PDZRN3: variants seen among roughly 807,000 people sequenced by gnomAD.
The protein encoded by PDZRN3 is E3 ubiquitin-protein ligase PDZRN3.
PDZRN3 carries 38 observed loss-of-function variants against 85.7 expected under a neutral mutation model. The observed-to-expected ratio is 0.44, with a 90% CI of 0.34 to 0.58. PDZRN3 has a LOEUF of 0.58. Among genes scored for constraint, PDZRN3 ranks in the 20% least tolerant of loss-of-function variants. The pLI is 0.01. For synonymous variants in PDZRN3, 759 were observed against 638.0 expected, an observed-to-expected ratio of 1.19 and a Z score of -2.86; for missense variants, 1,629 against 1,506.4, an observed-to-expected ratio of 1.08 and a Z score of -1.35.
chr3:73,530,955 T>TTA (rs1704639217), intron 3 of PDZRN3, among the ~76,000 whole-genome samples: 1 of 152,026 alleles, frequency 6.6e-6, no homozygotes, highest in African/African-American at 2.4e-5. Flanking sequence ...TATCTTTACT[T>TTA]TATCAAGAGT....
At position 73,624,097 on chromosome 3, in the gene PDZRN3, G is replaced by A. The variant is rs777317084; in HGVS notation, c.723+6C>T. 4 of 1,445,294 alleles carry A rather than the reference G, an allele frequency of 2.8e-6. No individual in the cohort carries two copies. Among genetic ancestry groups the A allele is most frequent in the Admixed American group, 5.5e-5 (2 of 36,466 alleles). The allele number at this position is 1,445,294 out of a possible 1,614,324, so 89.5% of individuals were successfully genotyped here. A position where few individuals can be genotyped will look rare whatever the true frequency, so the allele number is the denominator to read the frequency against. ...CTGGAGGTCGGGGCGGGCAGCAGGCGCCTACCTTGCCGCCGGGCGGCGCGG... is the reference window on the plus strand; with the variant it reads ...CTGGAGGTCGGGGCGGGCAGCAGGCACCTACCTTGCCGCCGGGCGGCGCGG... On this transcript the variant is annotated splice_donor_region_variant and intron_variant, in intron 1 of 9. Coordinates refer to ENST00000263666, the MANE Select transcript of PDZRN3 (RefSeq NM_015009.3).
chr3:73,405,447 T>C (rs986741978), intron 3 of PDZRN3, among the ~76,000 whole-genome samples: 1 of 152,232 alleles, frequency 6.6e-6, no homozygotes, highest in African/African-American at 2.4e-5. Context: ...CATCTTATGA[T>C]TGGACTGCAT....
At chr3:73,399,180 G>A (rs560665846) in intron 5 of PDZRN3, among the ~76,000 whole-genome samples, 2 of 152,232 alleles carry the variant, frequency 1.3e-5, no homozygotes, top group South Asian at 4.1e-4. Context: ...AAATACCAAA[G>A]ACTACAAAGT....
At chr3:73,601,687 T>C (rs919848267) in intron 3 of PDZRN3, among the ~76,000 whole-genome samples, 1 of 152,172 alleles carries the variant, frequency 6.6e-6, no homozygotes, top group African/African-American at 2.4e-5. Flanking sequence ...CCTAGAACAC[T>C]GCAACCCTGT....
chr3:73,391,158 A>T (rs777243647), intron 5 of PDZRN3, 42 bp from the exon 6 acceptor site: 13 of 1,210,658 alleles, frequency 1.1e-5, no homozygotes, highest in Non-Finnish European at 1.5e-5. Flanking sequence ...CCAGCAGGCA[A>T]TGCGAGTTGA....
chr3:73,553,170 T>C (rs763620342), intron 3 of PDZRN3, among the ~76,000 whole-genome samples: 3 of 152,170 alleles, frequency 2.0e-5, no homozygotes, highest in Admixed American at 6.5e-5. Context: ...CCTGTAAAAA[T>C]GCACCAATAT....
intron 3 of PDZRN3, among the ~76,000 whole-genome samples, chr3:73,549,979 C>A (rs1472510618): frequency 1.3e-5 from 2 of 152,210 alleles, no homozygotes; most frequent in African/African-American, 2.4e-5. Flanking sequence ...GCCCTGGCTG[C>A]CTGTTAGTGC....
chr3:73,542,918 C>T (rs974364134), intron 3 of PDZRN3, among the ~76,000 whole-genome samples: 15 of 152,150 alleles, frequency 9.9e-5, no homozygotes, highest in African/African-American at 3.4e-4. Flanking sequence ...CTCAAGCATC[C>T]ACACCCCTTC....
At chr3:73,557,395 C>T (rs1701722158) in intron 3 of PDZRN3, among the ~76,000 whole-genome samples, 1 of 152,202 alleles carries the variant, frequency 6.6e-6, no homozygotes, top group South Asian at 2.1e-4. Flanking sequence ...AACCTGATCA[C>T]TAGTTTTAAG....
intron 3 of PDZRN3, among the ~76,000 whole-genome samples, chr3:73,407,876 A>G (rs566196526): frequency 2.0e-4 from 31 of 152,182 alleles, no homozygotes; most frequent in South Asian, 4.1e-4. Context: ...AGCTTTGGGT[A>G]CTGTTACACG....
At chr3:73,443,286 A>C (rs1233754792) in intron 3 of PDZRN3, among the ~76,000 whole-genome samples, 1 of 152,004 alleles carries the variant, frequency 6.6e-6, no homozygotes, top group African/African-American at 2.4e-5. Context: ...CAGCTGCTCT[A>C]AGTTCGCAGA....
chr3:73,436,408 C>G (rs1230449450), intron 3 of PDZRN3, among the ~76,000 whole-genome samples: 1 of 152,126 alleles, frequency 6.6e-6, no homozygotes, highest in Non-Finnish European at 1.5e-5. Flanking sequence ...TTGGCAAGTA[C>G]CAGCAGGGAG....
Position 73,583,180 on chromosome 3 carries a change from G to A in PDZRN3, c.918+19174C>T, listed in dbSNP as rs149472874. On this transcript the variant is annotated intron_variant, in intron 3 of 9. Transcript: ENST00000263666. ...CCTACCTTATGAGATAGAAACTGTC[G>A]TGCTCATTTTTCAGGCAAGAACATG... Among the ~76,000 whole-genome samples, 607 of 152,192 alleles carry A rather than the reference G, an allele frequency of 4.0e-3. 5 individuals carry two copies. Among genetic ancestry groups the A allele is most frequent in the East Asian group, 0.016 (85 of 5,176 alleles).
Position 73,384,477 on chromosome 3 carries a change from G to A in PDZRN3, c.2089C>T (p.Leu697=), listed in dbSNP as rs1559646624. Residue 697 remains leucine, a synonymous_variant, in exon 10 of 10, where the codon CTG becomes TTG. Coordinates refer to ENST00000263666, the MANE Select transcript of PDZRN3 (RefSeq NM_015009.3). ...GCGCGCACGATGCTCAGGCACTCCA[G>A]CTCGATGCTGCGCAGCTCTTCGTTC... ...LLNEELRSIE[L]ECLSIVRAHK... is the part of the protein sequence containing the mutation. 1.9e-6 allele frequency: 3 copies of A among 1,613,290 alleles called. No individual in the cohort carries two copies. Among genetic ancestry groups the A allele is most frequent in the Non-Finnish European group, 2.5e-6 (3 of 1,180,006 alleles).
intron 3 of PDZRN3, among the ~76,000 whole-genome samples, chr3:73,520,909 C>T (rs1359568572): frequency 1.3e-5 from 2 of 152,104 alleles, no homozygotes; most frequent in East Asian, 1.9e-4. Context: ...ACTCAAGGTG[C>T]GTGTAAACAC....
chr3:73,572,909 G>A (rs757265381), intron 3 of PDZRN3, among the ~76,000 whole-genome samples: 58 of 152,330 alleles, frequency 3.8e-4, no homozygotes, highest in African/African-American at 1.1e-3. Flanking sequence ...AGATGGCTCC[G>A]GGAGCAGTTA....
chr3:73,594,708 C>CCTAA lies in PDZRN3; in HGVS notation c.918+7645_918+7646insTTAG, dbSNP rs59519086. The stretch of plus-strand genomic sequence containing the variant: ...TCAGCTGCATTTCAGAGAAGTCTTA[C>CCTAA]CTGTGTTAGAGTCTTCTGTTGCTGT... On this transcript the variant is annotated intron_variant, in intron 3 of 9. Transcript: ENST00000263666. 3.6e-3 allele frequency among the ~76,000 whole-genome samples: 549 copies of CCTAA among 151,502 alleles called. 4 individuals are homozygous for CCTAA. Among genetic ancestry groups the CCTAA allele is most frequent in the African/African-American group, 0.013 (524 of 41,404 alleles).
chr3:73,390,977 T>A, intron 6 of PDZRN3, 41 bp downstream of exon 6: 1 of 1,323,646 alleles, frequency 7.6e-7, no homozygotes, highest in Admixed American at 1.8e-5. Flanking sequence ...ACCCTTTTGG[T>A]CTTGATACGA....
intron 3 of PDZRN3, among the ~76,000 whole-genome samples, chr3:73,555,217 C>G (rs972845976): frequency 6.6e-6 from 1 of 152,100 alleles, no homozygotes; most frequent in Non-Finnish European, 1.5e-5. Flanking sequence ...TTTGGAGCCA[C>G]AACTTTGTTT....
Sources: gnomAD v4.1 joint callset for allele counts (sites outside exome capture counted in the v4.1 genomes callset) on GRCh38, gnomAD v4.1.1 for gene constraint, MANE v1.5 for transcripts, NCBI Gene and HGNC (gene_info 2026-07-23, HGNC 2026-07-21) for gene names.